Variants in CDC45 observed in about 807,000 individuals in gnomAD.
CDC45 encodes the protein cell division control protein 45 homolog.
Under a neutral mutation model 77.8 loss-of-function variants are expected in CDC45, and 54 were observed. The observed-to-expected ratio is 0.69, with a 90% CI of 0.56 to 0.87. The LOEUF is 0.87. Ranked by LOEUF, CDC45 falls within the 40% of genes least tolerant of loss-of-function variation. The probability of loss-of-function intolerance (pLI) is 0.00; values close to 1 mark genes in which losing one functional copy is unlikely to be tolerated. For missense variants in CDC45, 649 were observed against 721.6 expected (o/e 0.90, Z 1.15); for synonymous variants, 260 against 272.1 (o/e 0.96, Z 0.44).
chr22:19,517,700 C>T (rs556525334), intron 17 of CDC45, among the ~76,000 whole-genome samples: 13 of 152,282 alleles, frequency 8.5e-5, no homozygotes, highest in East Asian at 1.9e-4. Flanking sequence ...TGTGTCCTCA[C>T]GTGGTCTTTC....
At chr22:19,515,130 T>A in intron 15 of CDC45, 82 bp downstream of exon 15, 1 of 1,308,862 alleles carries the variant, frequency 7.6e-7, no homozygotes, top group Non-Finnish European at 1.0e-6. Flanking sequence ...ATGCTGGCCT[T>A]GGGGTGCCTG....
chr22:19,503,439 C>A (rs1204398778), intron 9 of CDC45, among the ~76,000 whole-genome samples: 1 of 152,164 alleles, frequency 6.6e-6, no homozygotes, highest in South Asian at 2.1e-4. Context: ...CCCCTGTCAG[C>A]CCCCAGCACC....
chr22:19,495,276 C>G (rs1046358566), intron 6 of CDC45, among the ~76,000 whole-genome samples: 12 of 152,174 alleles, frequency 7.9e-5, no homozygotes, highest in African/African-American at 2.9e-4. Context: ...TTCTAAACAG[C>G]CTAGTACTTA....
At chr22:19,495,197 T>C (rs1269406009) in intron 6 of CDC45, among the ~76,000 whole-genome samples, 1 of 152,238 alleles carries the variant, frequency 6.6e-6, no homozygotes, top group Non-Finnish European at 1.5e-5. Flanking sequence ...TTGTGCATAT[T>C]TTACATGATA....
chr22:19,518,961 G>T (rs908955113), intron 18 of CDC45, 52 bp downstream of exon 18: 2 of 1,323,630 alleles, frequency 1.5e-6, no homozygotes, highest in African/African-American at 1.4e-5. Context: ...CTCAGAGCCC[G>T]ACCCTGATGC....
At chr22:19,518,769 C>T (rs761049535) in intron 17 of CDC45, 75 bp from the exon 18 acceptor site, 46 of 1,182,586 alleles carry the variant, frequency 3.9e-5, no homozygotes, top group African/African-American at 1.7e-4. Context: ...GGGCAGGCAG[C>T]GGAGGGGAGT....
At chr22:19,508,361 A>G (rs1933324401) in intron 12 of CDC45, among the ~76,000 whole-genome samples, 169 bp from the exon 13 acceptor site, 1 of 152,202 alleles carries the variant, frequency 6.6e-6, no homozygotes, top group African/African-American at 2.4e-5. Flanking sequence ...TCTGGGCTGC[A>G]GGGCTGGTAT....
Position 19,481,815 on chromosome 22 carries a change from G to A in CDC45, c.204+770G>A, listed in dbSNP as rs190808694. 1.2e-3 allele frequency among the ~76,000 whole-genome samples: 178 copies of A among 152,170 alleles called. 1 individual carries two copies. Among genetic ancestry groups the A allele is most frequent in the African/African-American group, 4.0e-3 (168 of 41,516 alleles). On this transcript the variant is annotated intron_variant, in intron 3 of 18. Transcript: ENST00000263201. Reference sequence around the variant, plus strand: ...GCCTCCTAACTAGCTGGGATTACAAGTGCCCACCACCACGCCTGGCTAATT... The same window carrying A: ...GCCTCCTAACTAGCTGGGATTACAAATGCCCACCACCACGCCTGGCTAATT...
At chr22:19,488,775 C>G (rs548097508) in intron 5 of CDC45, among the ~76,000 whole-genome samples, 1 of 152,180 alleles carries the variant, frequency 6.6e-6, no homozygotes, top group African/African-American at 2.4e-5. Context: ...CAAAAAGTTT[C>G]CTCACCAGGA....
intron 18 of CDC45, 109 bp downstream of exon 18, chr22:19,519,018 C>G: frequency 2.4e-6 from 2 of 839,056 alleles, no homozygotes; most frequent in Admixed American, 3.8e-5. Flanking sequence ...GGTTTCAGAC[C>G]GAAGCAGGGT....
At chr22:19,498,122 C>T (rs1185748327) in intron 8 of CDC45, among the ~76,000 whole-genome samples, 16 of 151,862 alleles carry the variant, frequency 1.1e-4, no homozygotes, top group South Asian at 2.1e-4. Flanking sequence ...TGTAGTGAGC[C>T]GAGACTGCGC....
intron 13 of CDC45, among the ~76,000 whole-genome samples, chr22:19,513,478 T>C (rs933082671): frequency 4.6e-5 from 7 of 152,202 alleles, no homozygotes; most frequent in Admixed American, 4.6e-4. Context: ...TCCATTTTTT[T>C]CTCCTCCAAA....
rs1182845479 is a variant in CDC45 at position 19,480,930 on chromosome 22, C to G, written c.112-23C>G. 4 of 1,520,292 alleles carry G rather than the reference C, an allele frequency of 2.6e-6. No homozygotes were observed. In the South Asian group the frequency reaches 4.6e-5, roughly 18 times the overall value. The allele number at this position is 1,520,292 out of a possible 1,614,324, so 94.2% of individuals were successfully genotyped here. On this transcript the variant is annotated intron_variant, in intron 2 of 18. Coordinates refer to ENST00000263201, the MANE Select transcript of CDC45 (RefSeq NM_003504.5). ...TTGCTAATGTCCTAAATAAGATAGG[C>G]TTTGAAAACACTCTCTCTCCAGGCC...
intron 3 of CDC45, 67 bp from the exon 4 acceptor site, chr22:19,482,623 G>A: frequency 6.5e-7 from 1 of 1,533,482 alleles, no homozygotes; most frequent in Non-Finnish European, 8.9e-7. Context: ...ACAACTCAGA[G>A]GCTTAGTGAT....
intron 5 of CDC45, among the ~76,000 whole-genome samples, chr22:19,492,977 T>A (rs960117848): frequency 1.3e-5 from 2 of 152,190 alleles, no homozygotes; most frequent in Admixed American, 1.3e-4. Flanking sequence ...TGTGGACTTG[T>A]CACCAACCAG....
chr22:19,510,497 CTA>C (rs1933452196), intron 13 of CDC45, among the ~76,000 whole-genome samples: 1 of 152,232 alleles, frequency 6.6e-6, no homozygotes, highest in East Asian at 1.9e-4. Context: ...CAAGGCTCAT[CTA>C]TATTGTAGGA....
intron 11 of CDC45, 110 bp from the exon 12 acceptor site, chr22:19,507,656 C>T: frequency 7.4e-7 from 1 of 1,350,490 alleles, no homozygotes; most frequent in Non-Finnish European, 1.0e-6. Flanking sequence ...CCCAGAATAT[C>T]TTCTGAATGC....
chr22:19,492,179 C>A lies in CDC45; in HGVS notation c.487-2148C>A, dbSNP rs568339860. Among the ~76,000 whole-genome samples the A allele has an allele frequency of 9.9e-5, 15 of 152,190 alleles. 1 individual carries two copies. The East Asian group carries it at 2.9e-3, about 29-fold the overall frequency. On this transcript the variant is annotated intron_variant, in intron 5 of 18. Coordinates refer to ENST00000263201, the MANE Select transcript of CDC45 (RefSeq NM_003504.5). ...GTGTTTTCAGTGCACCCTCTTTCTC[C>A]TCCTCCAGGGCACTGATGACGTGAA...
chr22:19,504,174 C>A (rs780778304), intron 9 of CDC45, among the ~76,000 whole-genome samples: 3 of 152,252 alleles, frequency 2.0e-5, no homozygotes, highest in Admixed American at 6.5e-5. Flanking sequence ...AGACTTGTTA[C>A]ACTGAGACAG....
Sources: gnomAD v4.1 joint callset for allele counts (sites outside exome capture counted in the v4.1 genomes callset) on GRCh38, gnomAD v4.1.1 for gene constraint, MANE v1.5 for transcripts, NCBI Gene and HGNC (gene_info 2026-07-23, HGNC 2026-07-21) for gene names.